TNFRSF8: variants seen among roughly 807,000 people sequenced by gnomAD.
TNFRSF8 encodes tumor necrosis factor receptor superfamily member 8.
A neutral mutation model predicts 70.8 loss-of-function variants in TNFRSF8; 26 were observed. The ratio of observed to expected loss-of-function variants is 0.37; its 90% confidence interval spans 0.27 to 0.51. TNFRSF8 has a LOEUF of 0.51. TNFRSF8 is among the 20% of genes least tolerant of loss of function. TNFRSF8 has a pLI of 0.94. For missense variants in TNFRSF8, 720 were observed against 807.9 expected (o/e 0.89, Z 1.32); for synonymous variants, 356 against 339.2 (o/e 1.05, Z -0.54).
At chr1:12,125,921 CAA>C (rs753161478) in intron 10 of TNFRSF8, 28 bp from the exon 11 acceptor site, 2 of 1,587,458 alleles carry the variant, frequency 1.3e-6, no homozygotes, top group Non-Finnish European at 1.7e-6. Flanking sequence ...TGCAGCAAGG[CAA>C]AGAGTGTGGG....
At position 12,138,216 on chromosome 1, in the gene TNFRSF8, T is replaced by A. The variant is rs772611664; in HGVS notation, c.1336-13T>A. ...GGGGGTACCCTGCAGCAGCACCCATTCCCGTCCCACAGCAGCTGAGGAGTG... is the reference window on the plus strand; with the variant it reads ...GGGGGTACCCTGCAGCAGCACCCATACCCGTCCCACAGCAGCTGAGGAGTG... On this transcript the variant is annotated splice_polypyrimidine_tract_variant and intron_variant, in intron 13 of 14. Coordinates refer to ENST00000263932, the MANE Select transcript of TNFRSF8 (RefSeq NM_001243.5). This position sits in a 1 kb window ranked among gnomAD's most constrained non-coding sequence, Gnocchi z 5.7. 2.5e-6 allele frequency: 4 copies of A among 1,612,196 alleles called. No individual in the cohort carries two copies. In the African/African-American group the frequency reaches 5.4e-5, roughly 22 times the overall value.
chr1:12,123,105 A>G (rs753692961), intron 8 of TNFRSF8, among the ~76,000 whole-genome samples, 179 bp from the exon 9 acceptor site: 9 of 152,216 alleles, frequency 5.9e-5, no homozygotes, highest in Non-Finnish European at 7.4e-5. Flanking sequence ...CTGTGATTAC[A>G]GGTGTGAGCC....
At chr1:12,100,033 G>T (rs528505403) in intron 3 of TNFRSF8, among the ~76,000 whole-genome samples, 1 of 152,196 alleles carries the variant, frequency 6.6e-6, no homozygotes, top group African/African-American at 2.4e-5. Flanking sequence ...GCTGGGCGTG[G>T]TGGCACGTGT....
chr1:12,073,930 TGGCG>T (rs1640892856), intron 1 of TNFRSF8, among the ~76,000 whole-genome samples: 1 of 151,794 alleles, frequency 6.6e-6, no homozygotes, highest in Non-Finnish European at 1.5e-5. Flanking sequence ...CATTGTCCCG[TGGCG>T]GCTGTTGCTG....
rs67622403 is a variant in TNFRSF8, at chr1:12,113,304, A to G, written c.793+1290A>G. Among the ~76,000 whole-genome samples the G allele has an allele frequency of 0.18, 27,159 of 152,182 alleles. 4,596 individuals are homozygous for G. The highest frequency in any genetic ancestry group is 0.45 in the African/African-American group (18,659 of 41,492). ...GGGGCTTCCTCATGGTCTGGTGGTT[A>G]GGTTCTAAAGGCGAAGTCTTTTTCT... On this transcript the variant is annotated intron_variant, in intron 7 of 14. Transcript: ENST00000263932. This position sits in a 1 kb window ranked among gnomAD's most constrained non-coding sequence, Gnocchi z 4.9.
intron 1 of TNFRSF8, among the ~76,000 whole-genome samples, chr1:12,080,734 A>G (rs1482223221): frequency 6.6e-6 from 1 of 151,740 alleles, no homozygotes; most frequent in Non-Finnish European, 1.5e-5. Flanking sequence ...ATTTTTTCGT[A>G]TTTTTAGTAG....
chr1:12,070,765 G>T (rs1557572005), intron 1 of TNFRSF8, among the ~76,000 whole-genome samples: 2 of 152,144 alleles, frequency 1.3e-5, no homozygotes, highest in African/African-American at 4.8e-5. Flanking sequence ...TGGGATGTGG[G>T]AAAAAACAAG....
At chr1:12,084,797 C>A (rs556441522) in intron 2 of TNFRSF8, among the ~76,000 whole-genome samples, 30 of 152,278 alleles carry the variant, frequency 2.0e-4, no homozygotes, top group African/African-American at 7.2e-4. Flanking sequence ...TTATTTTTAA[C>A]GTAGAGCTGC....
At chr1:12,129,061 C>T (rs921644355) in intron 12 of TNFRSF8, among the ~76,000 whole-genome samples, 1 of 151,846 alleles carries the variant, frequency 6.6e-6, no homozygotes, top group African/African-American at 2.4e-5. Flanking sequence ...TCTCAAACTC[C>T]TGACCTCATG....
chr1:12,104,345 G>T, intron 3 of TNFRSF8, 34 bp from the exon 4 acceptor site: 1 of 1,613,606 alleles, frequency 6.2e-7, no homozygotes, highest in Non-Finnish European at 8.5e-7. Flanking sequence ...CCTTCCTTCT[G>T]TTCCCCTCTG....
At chr1:12,117,252 T>C (rs774429202) in intron 8 of TNFRSF8, among the ~76,000 whole-genome samples, 1 of 151,956 alleles carries the variant, frequency 6.6e-6, no homozygotes, top group Non-Finnish European at 1.5e-5. Flanking sequence ...CCAGCTAATT[T>C]TCATATTTTT....
At chr1:12,123,204 C>T in intron 8 of TNFRSF8, 80 bp from the exon 9 acceptor site, 2 of 1,262,836 alleles carry the variant, frequency 1.6e-6, no homozygotes, top group South Asian at 1.4e-5. Flanking sequence ...CTGGAAGCCA[C>T]CAGTCCCTGC....
At chr1:12,086,342 T>C (rs1373403203) in intron 2 of TNFRSF8, among the ~76,000 whole-genome samples, 2 of 152,226 alleles carry the variant, frequency 1.3e-5, no homozygotes, top group Non-Finnish European at 2.9e-5. Context: ...AGTAGTGGGT[T>C]GGATGCTATT....
chr1:12,101,937 A>G (rs573914945), intron 3 of TNFRSF8, among the ~76,000 whole-genome samples: 2 of 152,174 alleles, frequency 1.3e-5, no homozygotes, highest in Non-Finnish European at 2.9e-5. Flanking sequence ...GGCCTCCCAA[A>G]GTGCTGGGAT....
At chr1:12,098,608 A>G (rs1025805773) in intron 3 of TNFRSF8, among the ~76,000 whole-genome samples, 1 of 152,216 alleles carries the variant, frequency 6.6e-6, no homozygotes, top group Non-Finnish European at 1.5e-5. Context: ...AAGAAAGCGA[A>G]GTGAAACAGA....
In TNFRSF8 at chr1:12,104,428, C is replaced by T. The variant is rs149306762; in HGVS notation, c.318C>T (p.Cys106=). The T allele has an allele frequency of 5.4e-5, 87 of 1,614,028 alleles. No individual in the cohort carries two copies. Among genetic ancestry groups the T allele is most frequent in the South Asian group, 2.2e-4 (20 of 91,082 alleles). The change falls in exon 4 of 15, where the codon TGC becomes TGT. Residue 106 remains cysteine (C), a synonymous_variant. Transcript: ENST00000263932. ...TPCAWNSSRV[C]ECRPGMFCST... ...GTGCATGGAACTCCTCCCGTGTCTG[C>T]GAATGTCGACCCGGCATGTTCTGTT...
At chr1:12,068,788 C>T (rs1375018319) in intron 1 of TNFRSF8, among the ~76,000 whole-genome samples, 2 of 152,110 alleles carry the variant, frequency 1.3e-5, no homozygotes, top group Admixed American at 6.5e-5. Flanking sequence ...GATGCTTGCT[C>T]CTTGCTGAGG....
In TNFRSF8 at chr1:12,110,661, C is replaced by T. The variant is rs1187100751; in HGVS notation, c.676+457C>T. 3.3e-5 allele frequency among the ~76,000 whole-genome samples: 5 copies of T among 152,008 alleles called. No individual in the cohort carries two copies. Among genetic ancestry groups the T allele is most frequent in the African/African-American group, 1.2e-4 (5 of 41,458 alleles). On this transcript the variant is annotated intron_variant, in intron 6 of 14. Transcript: ENST00000263932. This position sits in a 1 kb window ranked among gnomAD's most constrained non-coding sequence, Gnocchi z 4.0. ...TTGCCCAGGCTGGAGTGCAGTGGCG[C>T]AATCTCGGCTCACTGCCACCTCCAC...
intron 13 of TNFRSF8, among the ~76,000 whole-genome samples, chr1:12,137,977 T>C (rs985305125): frequency 4.6e-5 from 7 of 152,190 alleles, no homozygotes; most frequent in Non-Finnish European, 1.5e-5. Flanking sequence ...TCAAGGACTT[T>C]AGGACAGGGC....
Sources: gnomAD v4.1 joint callset for allele counts (sites outside exome capture counted in the v4.1 genomes callset) on GRCh38, gnomAD v4.1.1 for gene constraint, Gnocchi (gnomAD v3.1) non-coding constraint, MANE v1.5 for transcripts, NCBI Gene and HGNC (gene_info 2026-07-23, HGNC 2026-07-21) for gene names.